PREX1: variants seen among roughly 807,000 people sequenced by gnomAD.
PREX1 encodes phosphatidylinositol-3,4,5-trisphosphate dependent Rac exchange factor 1, also known as phosphatidylinositol 3,4,5-trisphosphate-dependent Rac exchanger 1 protein.
In PREX1, 41 loss-of-function variants were observed where a neutral mutation model predicts 198.3. The observed-to-expected ratio is 0.21, with a 90% CI of 0.16 to 0.27. PREX1 has a LOEUF of 0.27. Ranked by LOEUF, PREX1 falls within the 10% of genes least tolerant of loss-of-function variation. The probability of loss-of-function intolerance (pLI) is 1.00; values close to 1 mark genes in which losing one functional copy is unlikely to be tolerated. For synonymous variants in PREX1, 843 were observed against 887.2 expected (o/e 0.95, Z 0.89); for missense variants, 1,620 against 2,200.7 (o/e 0.74, Z 5.28).
intron 1 of PREX1, among the ~76,000 whole-genome samples, chr20:48,752,292 G>A (rs1025906904): frequency 3.9e-5 from 6 of 152,204 alleles, no homozygotes; most frequent in Non-Finnish European, 1.5e-5. Context: ...GCATCTATAA[G>A]CAAGAGAGAA....
chr20:48,757,706 A>G (rs1254952895), intron 1 of PREX1, among the ~76,000 whole-genome samples: 2 of 152,138 alleles, frequency 1.3e-5, no homozygotes, highest in African/African-American at 4.8e-5. Flanking sequence ...ATAAGTCCTC[A>G]GTAAATGTCC....
In PREX1 at chr20:48,694,662, G is replaced by A. The variant is rs547442179; in HGVS notation, c.918-1872C>T. On this transcript the variant is annotated intron_variant, in intron 7 of 39. Coordinates refer to ENST00000371941, the MANE Select transcript of PREX1 (RefSeq NM_020820.4). ...GAGCCAGTGGGTTTGTTCCCACGCC[G>A]ACTTGGCTGATGTGTACTTGTTACT... is the stretch of plus-strand genomic sequence containing the variant. Among the ~76,000 whole-genome samples the A allele has an allele frequency of 1.6e-4, 24 of 152,326 alleles. No homozygotes were observed. In the South Asian group the frequency reaches 3.3e-3, roughly 21 times the overall value.
Position 48,663,822 on chromosome 20 carries a change from A to G in PREX1, c.1738+2461T>C, listed in dbSNP as rs190307698. 9.2e-5 allele frequency among the ~76,000 whole-genome samples: 14 copies of G among 152,230 alleles called. No individual in the cohort carries two copies. In the East Asian group the frequency reaches 2.5e-3, roughly 27 times the overall value. ...CATATCCTCCTTCCCCTGGACTATCATGACCACCTCCTCGCTGGCATCCCT... is the reference window on the plus strand; with the variant it reads ...CATATCCTCCTTCCCCTGGACTATCGTGACCACCTCCTCGCTGGCATCCCT... On this transcript the variant is annotated intron_variant, in intron 15 of 39. Coordinates refer to ENST00000371941, the MANE Select transcript of PREX1 (RefSeq NM_020820.4).
chr20:48,704,481 C>T (rs1478504128), intron 6 of PREX1, among the ~76,000 whole-genome samples: 1 of 152,070 alleles, frequency 6.6e-6, no homozygotes, highest in Non-Finnish European at 1.5e-5. Flanking sequence ...ACCAGGGCTG[C>T]CAGAGCCAGA....
At chr20:48,774,788 C>G (rs1427295541) in intron 1 of PREX1, among the ~76,000 whole-genome samples, 1 of 152,262 alleles carries the variant, frequency 6.6e-6, no homozygotes, top group African/African-American at 2.4e-5. Flanking sequence ...GGCAAATCTC[C>G]GGCCCCTCCG....
chr20:48,711,464 G>A lies in PREX1; in HGVS notation c.622-3043C>T, dbSNP rs112442794. On this transcript the variant is annotated intron_variant, in intron 5 of 39. Coordinates refer to ENST00000371941, the MANE Select transcript of PREX1 (RefSeq NM_020820.4). The stretch of plus-strand genomic sequence containing the variant: ...GAGTGAATGTGGCCAGTCAGCTCCC[G>A]GTGGGCAGGGACAGAGGCTGCCAGT... 1.9e-3 allele frequency among the ~76,000 whole-genome samples: 291 copies of A among 152,234 alleles called. 3 individuals carry two copies. The highest frequency in any genetic ancestry group is 6.8e-3 in the Middle Eastern group (2 of 294).
At chr20:48,722,887 G>A (rs774681183) in intron 5 of PREX1, among the ~76,000 whole-genome samples, 5 of 152,254 alleles carry the variant, frequency 3.3e-5, no homozygotes, top group East Asian at 1.9e-4. Context: ...AGTGAGCAGC[G>A]ACACAGATGT....
intron 30 of PREX1, among the ~76,000 whole-genome samples, chr20:48,639,009 C>A (rs1210033635): frequency 6.6e-6 from 1 of 152,232 alleles, no homozygotes; most frequent in Non-Finnish European, 1.5e-5. Flanking sequence ...AGGGAACAGC[C>A]CAGAGTCCTC....
At chr20:48,708,694 G>A (rs1488495107) in intron 5 of PREX1, among the ~76,000 whole-genome samples, 1 of 152,146 alleles carries the variant, frequency 6.6e-6, no homozygotes, top group Non-Finnish European at 1.5e-5. Flanking sequence ...GGTGATGTTT[G>A]AGCAGAGGCC....
At chr20:48,882,456 C>T in the PREX1 span, among the ~76,000 whole-genome samples, 5,112 of 137,218 alleles carry the variant, frequency 0.037, 166 homozygotes, top group African/African-American at 0.084. Flanking sequence ...GAGCCGAGAT[C>T]GCGCCACTGC....
the PREX1 span, among the ~76,000 whole-genome samples, chr20:48,888,014 G>A: frequency 2.8e-3 from 423 of 152,284 alleles, 4 homozygotes; most frequent in African/African-American, 9.6e-3. Context: ...GCCAAGCACT[G>A]TGGGTCACAC....
At chr20:48,697,227 A>T (rs1363027781) in intron 7 of PREX1, among the ~76,000 whole-genome samples, 1 of 152,180 alleles carries the variant, frequency 6.6e-6, no homozygotes, top group Non-Finnish European at 1.5e-5. Flanking sequence ...TTACATGTGT[A>T]CCTTTACATG....
chr20:48,658,083 A>G (rs767781491), intron 17 of PREX1, 53 bp downstream of exon 17: 3 of 1,546,624 alleles, frequency 1.9e-6, no homozygotes, highest in Non-Finnish European at 2.6e-6. Context: ...GAAGAGAGAC[A>G]CCCCGCTCTG....
At chr20:48,712,595 T>C (rs1333703556) in intron 5 of PREX1, among the ~76,000 whole-genome samples, 2 of 152,230 alleles carry the variant, frequency 1.3e-5, no homozygotes, top group East Asian at 1.9e-4. Flanking sequence ...TTCCCTTTTC[T>C]ATCTGTCCGC....
At chr20:48,884,520 G>T in the PREX1 span, among the ~76,000 whole-genome samples, 13 of 152,310 alleles carry the variant, frequency 8.5e-5, no homozygotes, top group East Asian at 2.5e-3. Context: ...ACTAAAAGTG[G>T]ATCACAGACC....
At chr20:48,777,574 G>A (rs1372898165) in intron 1 of PREX1, among the ~76,000 whole-genome samples, 2 of 152,168 alleles carry the variant, frequency 1.3e-5, no homozygotes, top group African/African-American at 4.8e-5. Context: ...CTGAAATGCT[G>A]TTGCCCTCAA....
chr20:48,685,559 T>G (rs762855866), intron 10 of PREX1, among the ~76,000 whole-genome samples: 4 of 152,194 alleles, frequency 2.6e-5, no homozygotes, highest in Non-Finnish European at 5.9e-5. Context: ...ACTTCCCCAA[T>G]GTCACACAGC....
At chr20:48,636,370 G>A in intron 32 of PREX1, 93 bp downstream of exon 32, 1 of 1,297,996 alleles carries the variant, frequency 7.7e-7, no homozygotes, top group Non-Finnish European at 1.0e-6. Flanking sequence ...GCCAGGGGGA[G>A]CCTGAGTAAG....
intron 5 of PREX1, among the ~76,000 whole-genome samples, chr20:48,718,809 A>C (rs947480610): frequency 3.9e-5 from 6 of 152,264 alleles, no homozygotes; most frequent in African/African-American, 1.4e-4. Flanking sequence ...CATTTTACAG[A>C]TATTTTTCAT....
Sources: gnomAD v4.1 joint callset for allele counts (sites outside exome capture counted in the v4.1 genomes callset) on GRCh38, gnomAD v4.1.1 for gene constraint, MANE v1.5 for transcripts, NCBI Gene and HGNC (gene_info 2026-07-23, HGNC 2026-07-21) for gene names.